The following RNF14 variants were observed in gnomAD, a reference collection of about 807,000 sequenced individuals.
RNF14 encodes E3 ubiquitin-protein ligase RNF14.
Under a neutral mutation model 52.6 loss-of-function variants are expected in RNF14, and 26 were observed. The observed-to-expected ratio is 0.49, with a 90% CI of 0.36 to 0.69. The LOEUF (loss-of-function observed/expected upper bound fraction) is 0.69, where lower values mean the gene tolerates loss of function less well. Ranked by LOEUF, RNF14 falls within the 30% of genes least tolerant of loss-of-function variation. The pLI is 0.00. For synonymous variants in RNF14, 194 were observed against 202.0 expected (o/e 0.96, Z 0.34); for missense variants, 404 against 560.4 (o/e 0.72, Z 2.82).
rs915560174 is a variant in RNF14, at chr5:141,977,117, G to A, written c.307-1186G>A. ...CAGCTGCCTCTCTTGAGAAGGGACTGGGGTAGAAAAGAGGTTGGAGAATGG... is the reference window on the plus strand; with the variant it reads ...CAGCTGCCTCTCTTGAGAAGGGACTAGGGTAGAAAAGAGGTTGGAGAATGG... On this transcript the variant is annotated intron_variant, in intron 4 of 8. Transcript: ENST00000394520. 3.3e-5 allele frequency among the ~76,000 whole-genome samples: 5 copies of A among 152,334 alleles called. No individual in the cohort carries two copies. In the Middle Eastern group the frequency reaches 0.014, roughly 415 times the overall value.
intron 4 of RNF14, 67 bp downstream of exon 4, chr5:141,975,022 C>CT: frequency 6.6e-7 from 1 of 1,513,260 alleles, no homozygotes; most frequent in South Asian, 1.2e-5. Flanking sequence ...TAATTGAAGA[C>CT]TATCTTAAAG....
chr5:141,980,159 T>C lies in RNF14; in HGVS notation c.871T>C (p.Tyr291His). 1 of 1,614,246 alleles carries C rather than the reference T, an allele frequency of 6.2e-7. No individual in the cohort carries two copies. The highest frequency in any genetic ancestry group is 8.5e-7 in the Non-Finnish European group (1 of 1,180,038). Residue 291 changes from tyrosine to histidine, a missense_variant, in exon 6 of 9, where the codon TAT (tyrosine) becomes CAT (histidine). Transcript: ENST00000394520. Reference protein sequence around the residue: ...ELVEAELFARYDRLLLQSSLD... With the variant: ...ELVEAELFARHDRLLLQSSLD... ...AGTGGAAGCAGAGTTATTTGCCCGT[T>C]ATGACCGCCTTCTCCTCCAGTCCTC...
chr5:141,956,460 C>A (rs759589459), upstream of RNF14: 11 of 1,614,196 alleles, frequency 6.8e-6, no homozygotes, highest in Non-Finnish European at 9.3e-6. Flanking sequence ...AGACTTCATA[C>A]CTGCTTTTCT....
At chr5:141,985,897 C>T (rs938636163) in intron 8 of RNF14, among the ~76,000 whole-genome samples, 5 of 152,324 alleles carry the variant, frequency 3.3e-5, no homozygotes, top group South Asian at 2.1e-4. Flanking sequence ...TCTTATATAA[C>T]GTCTTACCTT....
upstream of RNF14, among the ~76,000 whole-genome samples, chr5:141,963,624 C>T (rs1423904703): frequency 6.6e-6 from 1 of 152,212 alleles, no homozygotes; most frequent in East Asian, 1.9e-4. Flanking sequence ...ATCATTCAGT[C>T]ATCCAGTCAC....
At chr5:141,952,963 G>A in the RNF14 span, 1 of 152,240 alleles carries the variant, frequency 6.6e-6, no homozygotes, top group African/African-American at 2.4e-5. Flanking sequence ...GGCCAGGACT[G>A]GGGTTTCACT....
upstream of RNF14, among the ~76,000 whole-genome samples, chr5:141,963,380 T>C (rs1370061440): frequency 9.7e-6 from 1 of 103,210 alleles, no homozygotes; most frequent in Non-Finnish European, 1.9e-5. Flanking sequence ...CACAAGTTCC[T>C]TTTTTTTTTT....
chr5:141,985,219 A>G (rs1418257249), intron 8 of RNF14, among the ~76,000 whole-genome samples: 14 of 152,222 alleles, frequency 9.2e-5, no homozygotes, highest in Admixed American at 9.2e-4. Context: ...AGTTGATAGT[A>G]CTTTGCCATA....
At position 141,973,554 on chromosome 5, in the gene RNF14, C is replaced by T. The variant is rs377192926; in HGVS notation, c.-6-29C>T. On this transcript the variant is annotated intron_variant, in intron 2 of 8. Transcript: ENST00000394520. Reference sequence around the variant, plus strand: ...CACCCGGCCAGCCTCTGTGCATTTTCTGTTCTTAACTGATTTTAATGTTTT... The same window carrying T: ...CACCCGGCCAGCCTCTGTGCATTTTTTGTTCTTAACTGATTTTAATGTTTT... 1.2e-3 allele frequency: 1,875 copies of T among 1,587,078 alleles called. 26 individuals are homozygous for T. In the South Asian group the frequency reaches 0.016, roughly 13 times the overall value.
At chr5:141,971,636 C>CTTTT (rs58804572) in intron 2 of RNF14, among the ~76,000 whole-genome samples, 1 of 117,128 alleles carries the variant, frequency 8.5e-6, no homozygotes, top group African/African-American at 3.8e-5. Context: ...TCTTTCTTTC[C>CTTTT]TTTTTTTTTT....
intron 4 of RNF14, among the ~76,000 whole-genome samples, chr5:141,976,565 T>C (rs1329831774): frequency 1.3e-5 from 2 of 152,330 alleles, no homozygotes; most frequent in Admixed American, 1.3e-4. Context: ...TCTTGTTTGT[T>C]GCTGTACCCT....
chr5:141,960,202 GC>G (rs1419165129), intron 1 of RNF14, among the ~76,000 whole-genome samples: 1 of 152,154 alleles, frequency 6.6e-6, no homozygotes, highest in Non-Finnish European at 1.5e-5. Context: ...CTCACTATCC[GC>G]CCCGCAATCG....
At chr5:141,984,546 G>T (rs916049492) in intron 7 of RNF14, among the ~76,000 whole-genome samples, 23 of 152,208 alleles carry the variant, frequency 1.5e-4, no homozygotes, top group Non-Finnish European at 2.5e-4. Flanking sequence ...AGTTATACTT[G>T]TGTGATTTTT....
intron 8 of RNF14, among the ~76,000 whole-genome samples, chr5:141,986,011 T>G (rs1211490234): frequency 6.6e-6 from 1 of 152,254 alleles, no homozygotes; most frequent in Non-Finnish European, 1.5e-5. Context: ...AGAATAACAT[T>G]TTTTATGCTG....
chr5:141,987,745 T>C lies in RNF14; in HGVS notation c.1380T>C (p.Ala460=), dbSNP rs758800339. Residue 460 remains alanine (A), a synonymous_variant, in exon 9 of 9, where the codon GCT becomes GCC. Coordinates refer to ENST00000394520, the MANE Select transcript of RNF14 (RefSeq NM_004290.5). ...TTAATGCTTCCAGGCTGTTTTATGC[T>C]GTGGATGTTGACGACGATATTTGGG... ...GSPCFNRLFY[A]VDVDDDIWED... 6.2e-7 allele frequency: 1 copy of C among 1,614,066 alleles called. No homozygotes were observed. Among genetic ancestry groups the C allele is most frequent in the African/African-American group, 1.3e-5 (1 of 75,054 alleles).
intron 6 of RNF14, 36 bp from the exon 7 acceptor site, chr5:141,983,344 G>A (rs1275842690): frequency 6.4e-7 from 1 of 1,561,624 alleles, no homozygotes; most frequent in Non-Finnish European, 8.8e-7. Context: ...GCATTACAAA[G>A]TTATATAAAA....
chr5:141,972,281 G>A (rs1265160604), intron 2 of RNF14, among the ~76,000 whole-genome samples: 2 of 151,638 alleles, frequency 1.3e-5, no homozygotes, highest in Non-Finnish European at 2.9e-5. Flanking sequence ...TCAGGCTGGA[G>A]TGCAGTGGTG....
upstream of RNF14, chr5:141,955,183 A>G: frequency 6.2e-7 from 1 of 1,614,192 alleles, no homozygotes; most frequent in Non-Finnish European, 8.5e-7. This position sits in a 1 kb window ranked among gnomAD's most constrained non-coding sequence, Gnocchi z 5.5. Flanking sequence ...GTCTCCAGCC[A>G]GCCTCCCTGT....
At chr5:141,949,373 C>G in the RNF14 span, 6 of 1,547,642 alleles carry the variant, frequency 3.9e-6, no homozygotes, top group Non-Finnish European at 5.2e-6. Flanking sequence ...GAGCAGAACT[C>G]TGAAGCTTGG....
Sources: allele counts gnomAD v4.1 joint callset (sites outside exome capture counted in the v4.1 genomes callset), GRCh38; gene constraint gnomAD v4.1.1; non-coding constraint Gnocchi (gnomAD v3.1); transcripts MANE v1.5; gene names NCBI Gene and HGNC (gene_info 2026-07-23, HGNC 2026-07-21).